Variants in PLPP3 observed in about 807,000 individuals in gnomAD.
PLPP3 encodes phospholipid phosphatase 3.
PLPP3 carries 6 observed loss-of-function variants against 29.6 expected under a neutral mutation model. That is an observed-to-expected ratio of 0.20 (90% CI 0.11 to 0.40). PLPP3 has a LOEUF of 0.40. Ranked by LOEUF, PLPP3 falls within the 10% of genes least tolerant of loss-of-function variation. The pLI is 1.00. For synonymous variants in PLPP3, 152 were observed against 159.7 expected, an observed-to-expected ratio of 0.95 and a Z score of 0.36; for missense variants, 308 against 407.7, an observed-to-expected ratio of 0.76 and a Z score of 2.11.
intron 2 of PLPP3, among the ~76,000 whole-genome samples, chr1:56,527,394 A>G (rs1290017111): frequency 2.0e-5 from 3 of 152,216 alleles, no homozygotes; most frequent in African/African-American, 7.2e-5. Context: ...TCTGGGAGAC[A>G]GTGACTTTTC....
At chr1:56,521,508 G>A (rs1170887476) in intron 4 of PLPP3, among the ~76,000 whole-genome samples, 1 of 152,110 alleles carries the variant, frequency 6.6e-6, no homozygotes, top group African/African-American at 2.4e-5. Flanking sequence ...TGTGCACAGT[G>A]GGGTGGGAGG....
chr1:56,575,886 C>A (rs1411726658), intron 1 of PLPP3, among the ~76,000 whole-genome samples: 1 of 152,184 alleles, frequency 6.6e-6, no homozygotes, highest in Non-Finnish European at 1.5e-5. Context: ...ACCCCATACA[C>A]CACAATCAAT....
Position 56,512,086 on chromosome 1 carries a change from A to T in PLPP3, c.700T>A (p.Leu234Met). 6.2e-7 allele frequency: 1 copy of T among 1,613,342 alleles called. No homozygotes were observed. The highest frequency in any genetic ancestry group is 8.5e-7 in the Non-Finnish European group (1 of 1,179,716). ...RLLRPLLQFTLIMMAFYTGLS... is the reference protein window; with the variant it reads ...RLLRPLLQFTMIMMAFYTGLS... ...CCCGTGTAGAAGGCCATCATGATCA[A>T]GGTGAACTGCAGGAGGGGCCGGAGC... is the stretch of plus-strand genomic sequence containing the variant. The change falls in exon 5 of 6, where the codon TTG becomes ATG. Residue 234 changes from leucine (L) to methionine (M), a missense_variant. By Grantham distance (15) the Leu-to-Met change is conservative. Around this residue, in one of 3 missense-constraint regions of PLPP3, gnomAD observed 232 missense variants for 317.2 expected, o/e 0.73. Coordinates refer to ENST00000371250, the MANE Select transcript of PLPP3 (RefSeq NM_003713.5).
intron 5 of PLPP3, among the ~76,000 whole-genome samples, chr1:56,502,027 G>A (rs1345128468): frequency 1.3e-5 from 2 of 152,140 alleles, no homozygotes; most frequent in Non-Finnish European, 2.9e-5. Flanking sequence ...AGCCTTCCAG[G>A]GAGCACACAC....
At chr1:56,504,607 G>A (rs770801091) in intron 5 of PLPP3, among the ~76,000 whole-genome samples, 24 of 152,086 alleles carry the variant, frequency 1.6e-4, no homozygotes, top group Non-Finnish European at 3.5e-4. Flanking sequence ...CCCAAGTTTT[G>A]TTGTTCTGCA....
At chr1:56,577,957 C>T (rs1018071009) in intron 1 of PLPP3, among the ~76,000 whole-genome samples, 2 of 152,084 alleles carry the variant, frequency 1.3e-5, no homozygotes, top group African/African-American at 4.8e-5. Flanking sequence ...TGACTTCAAC[C>T]TTGGAAGTCC....
intron 5 of PLPP3, among the ~76,000 whole-genome samples, chr1:56,498,360 A>G (rs116185180): frequency 0.03 from 4,496 of 152,272 alleles, 250 homozygotes; most frequent in African/African-American, 0.1. Context: ...ACTGTTTTCA[A>G]GTGTCCCCAG....
In PLPP3 at chr1:56,555,457, A is replaced by C. The variant is rs868606490; in HGVS notation, c.140-18345T>G. 1.6e-3 allele frequency among the ~76,000 whole-genome samples: 243 copies of C among 149,500 alleles called. 2 individuals are homozygous for C. Among genetic ancestry groups the C allele is most frequent in the African/African-American group, 5.7e-3 (230 of 40,576 alleles). ...CTAAAAAAAAAAAAAAAAAAAAAAA[A>C]AAACAAAAAACAAACAAACAAACAA... is the stretch of plus-strand genomic sequence containing the variant. On this transcript the variant is annotated intron_variant, in intron 1 of 5. Transcript: ENST00000371250.
chr1:56,513,030 C>G (rs751239661), intron 4 of PLPP3: 17 of 152,110 alleles, frequency 1.1e-4, no homozygotes, highest in Admixed American at 1.0e-3. Context: ...AAGAAAGCAA[C>G]TCTATCAAGG....
intron 2 of PLPP3, among the ~76,000 whole-genome samples, chr1:56,536,374 A>G (rs1295969261): frequency 2.0e-5 from 3 of 152,120 alleles, no homozygotes; most frequent in Admixed American, 6.6e-5. Flanking sequence ...CTACTGCCAA[A>G]TGGACTGTTT....
intron 1 of PLPP3, among the ~76,000 whole-genome samples, chr1:56,578,594 C>A (rs995544225): frequency 1.7e-4 from 26 of 152,176 alleles, no homozygotes; most frequent in African/African-American, 6.3e-4. Context: ...GGATTCCGCC[C>A]GGGCTTCCAA....
intron 1 of PLPP3, among the ~76,000 whole-genome samples, chr1:56,541,648 T>A (rs1194003131): frequency 5.3e-5 from 8 of 152,182 alleles, no homozygotes; most frequent in Admixed American, 5.2e-4. Context: ...GCAAGTAAGT[T>A]ATGGAGCTGA....
At chr1:56,548,156 G>T (rs1290793308) in intron 1 of PLPP3, among the ~76,000 whole-genome samples, 1 of 152,126 alleles carries the variant, frequency 6.6e-6, no homozygotes, top group East Asian at 1.9e-4. Flanking sequence ...GCCGTTCCAG[G>T]GTGCTGTGGA....
chr1:56,535,196 AG>A (rs1645916738), intron 2 of PLPP3, among the ~76,000 whole-genome samples: 1 of 152,180 alleles, frequency 6.6e-6, no homozygotes, highest in South Asian at 2.1e-4. Flanking sequence ...AGGCACCATA[AG>A]GTTAATTTGC....
intron 1 of PLPP3, among the ~76,000 whole-genome samples, chr1:56,549,262 A>C (rs568199032): frequency 7.8e-4 from 119 of 152,304 alleles, no homozygotes; most frequent in African/African-American, 2.8e-3. Context: ...GGAAGCCTCA[A>C]GTGGTCCAAG....
At chr1:56,528,646 T>C (rs1220672689) in intron 2 of PLPP3, among the ~76,000 whole-genome samples, 1 of 151,876 alleles carries the variant, frequency 6.6e-6, no homozygotes, top group African/African-American at 2.4e-5. Flanking sequence ...CTCCAAAAGT[T>C]AACTTTTTTC....
At chr1:56,501,097 T>A (rs1413698282) in intron 5 of PLPP3, among the ~76,000 whole-genome samples, 1 of 150,274 alleles carries the variant, frequency 6.7e-6, no homozygotes, top group Non-Finnish European at 1.5e-5. Context: ...GAGGCAGGGA[T>A]TACAGAGTCT....
chr1:56,551,530 G>A (rs147436867), intron 1 of PLPP3, among the ~76,000 whole-genome samples: 12 of 152,192 alleles, frequency 7.9e-5, no homozygotes, highest in Non-Finnish European at 1.8e-4. Flanking sequence ...GCACACACAC[G>A]TTTCCTCCTC....
At chr1:56,506,114 G>T (rs1645700307) in intron 5 of PLPP3, among the ~76,000 whole-genome samples, 1 of 152,184 alleles carries the variant, frequency 6.6e-6, no homozygotes, top group Non-Finnish European at 1.5e-5. Flanking sequence ...CTGTGCCCAG[G>T]CAGCCCTGGA....
Sources: gnomAD v4.1 joint callset for allele counts (sites outside exome capture counted in the v4.1 genomes callset) on GRCh38, gnomAD v4.1.1 for gene constraint, gnomAD v4.1.1 regional missense constraint, MANE v1.5 for transcripts, NCBI Gene and HGNC (gene_info 2026-07-23, HGNC 2026-07-21) for gene names.